EYS: variants seen among roughly 807,000 people sequenced by gnomAD.
EYS encodes the protein EGF-like photoreceptor maintenance factor, also known as protein eyes shut homolog.
A neutral mutation model predicts 282.1 loss-of-function variants in EYS; 250 were observed. That is an observed-to-expected ratio of 0.89 (90% CI 0.80 to 0.98). The LOEUF is 0.98. Ranked by LOEUF, EYS falls within the 50% of genes least tolerant of loss-of-function variation. The probability of loss-of-function intolerance (pLI) is 0.00; values close to 1 mark genes in which losing one functional copy is unlikely to be tolerated. For synonymous variants in EYS, 1,355 were observed against 1,282.9 expected, an observed-to-expected ratio of 1.06 and a Z score of -1.20; for missense variants, 4,016 against 3,709.0, an observed-to-expected ratio of 1.08 and a Z score of -2.15.
intron 9 of EYS, among the ~76,000 whole-genome samples, chr6:65,344,852 A>G (rs1770335284): frequency 6.6e-6 from 1 of 151,756 alleles, no homozygotes. Context: ...AAAAGAACAT[A>G]GAAGACCTGA....
chr6:64,861,493 A>T (rs73767136), intron 19 of EYS, among the ~76,000 whole-genome samples: 5,683 of 152,052 alleles, frequency 0.037, 191 homozygotes, highest in East Asian at 0.16. Flanking sequence ...TGTACCTGGG[A>T]AGGTGTGGCT....
At chr6:65,654,838 C>CAGCTCATT (rs1767763651) in intron 1 of EYS, among the ~76,000 whole-genome samples, 1 of 150,934 alleles carries the variant, frequency 6.6e-6, no homozygotes, top group South Asian at 2.1e-4. Context: ...TACCAGAGAC[C>CAGCTCATT]AGCTCATTAA....
chr6:65,557,666 G>T (rs1761320317), intron 2 of EYS, among the ~76,000 whole-genome samples: 1 of 152,184 alleles, frequency 6.6e-6, no homozygotes. Flanking sequence ...CAGCAAGCCA[G>T]CCAGGAACAT....
At position 65,354,520 on chromosome 6, in the gene EYS, G is replaced by GA. The variant is rs561201846; in HGVS notation, c.1300-904dup. Among the ~76,000 whole-genome samples the GA allele has an allele frequency of 3.9e-4, 58 of 147,682 alleles. 2 individuals carry two copies. The South Asian group carries it at 4.7e-3, about 12-fold the overall frequency. On this transcript the variant is annotated intron_variant, in intron 8 of 42. Transcript: ENST00000503581. ...AGTATGAGTCAACACTAAATGTGAG[G>GA]AAAAAAAAAAATTGGCGAGGCGTGG...
intron 12 of EYS, among the ~76,000 whole-genome samples, chr6:65,232,587 C>T: frequency 6.6e-6 from 1 of 152,022 alleles, no homozygotes; most frequent in Non-Finnish European, 1.5e-5. Flanking sequence ...TACCCCTCAC[C>T]CAGTTTCTCC....
intron 29 of EYS, among the ~76,000 whole-genome samples, chr6:64,312,532 A>G (rs1240422891): frequency 2.0e-5 from 3 of 152,168 alleles, no homozygotes; most frequent in Non-Finnish European, 1.5e-5. Flanking sequence ...GAGCTCTGTT[A>G]AGGGACAGAT....
At chr6:64,149,502 A>G (rs1356343976) in intron 31 of EYS, among the ~76,000 whole-genome samples, 2 of 152,206 alleles carry the variant, frequency 1.3e-5, no homozygotes, top group African/African-American at 2.4e-5. Context: ...GAGGATAGGA[A>G]GTATCTACAA....
intron 31 of EYS, among the ~76,000 whole-genome samples, chr6:64,212,943 G>T (rs1430787180): frequency 1.3e-5 from 2 of 152,102 alleles, no homozygotes; most frequent in African/African-American, 4.8e-5. Flanking sequence ...AAAAGAATGA[G>T]ATCATGTCCT....
chr6:65,400,810 T>C (rs2150362744), intron 7 of EYS, among the ~76,000 whole-genome samples: 1 of 152,050 alleles, frequency 6.6e-6, no homozygotes, highest in Admixed American at 6.6e-5. Context: ...TGACTCCTTT[T>C]CACCTTGACA....
At chr6:64,985,947 G>A (rs959919999) in intron 14 of EYS, among the ~76,000 whole-genome samples, 1 of 151,392 alleles carries the variant, frequency 6.6e-6, no homozygotes, top group Non-Finnish European at 1.5e-5. Flanking sequence ...TACTTATCAC[G>A]TTTTCCAGAA....
chr6:64,307,545 G>C (rs951112449), intron 29 of EYS, among the ~76,000 whole-genome samples: 2 of 152,056 alleles, frequency 1.3e-5, no homozygotes, highest in African/African-American at 2.4e-5. Flanking sequence ...AGCCAAGCAA[G>C]GTCTGAGGCT....
chr6:64,242,939 T>C (rs1469839459), intron 30 of EYS, among the ~76,000 whole-genome samples: 1 of 146,496 alleles, frequency 6.8e-6, no homozygotes, highest in African/African-American at 2.5e-5. Context: ...CATTGATATA[T>C]ATTTTATATA....
intron 33 of EYS, among the ~76,000 whole-genome samples, chr6:64,062,733 C>G (rs1459956969): frequency 6.6e-6 from 1 of 151,530 alleles, no homozygotes; most frequent in Non-Finnish European, 1.5e-5. Context: ...TATGTTCTCC[C>G]TTTTTCATCA....
intron 12 of EYS, among the ~76,000 whole-genome samples, chr6:65,073,370 C>T (rs1229702853): frequency 6.6e-6 from 1 of 151,122 alleles, no homozygotes; most frequent in African/African-American, 2.4e-5. Flanking sequence ...TCATGAACAC[C>T]CAAGAATGCA....
chr6:64,254,933 G>T (rs887278961), intron 30 of EYS, among the ~76,000 whole-genome samples: 8 of 152,044 alleles, frequency 5.3e-5, no homozygotes, highest in African/African-American at 1.2e-4. Context: ...AAGACTATTA[G>T]ATTTAAAGGA....
intron 26 of EYS, among the ~76,000 whole-genome samples, chr6:64,568,816 C>T (rs1425504671): frequency 2.0e-5 from 3 of 152,008 alleles, no homozygotes; most frequent in East Asian, 1.9e-4. Flanking sequence ...CTGCAGCCTC[C>T]GCTGGTGATA....
intron 32 of EYS, among the ~76,000 whole-genome samples, chr6:64,073,777 CAT>C (rs145419335): frequency 1.3e-4 from 20 of 149,088 alleles, no homozygotes; most frequent in Non-Finnish European, 1.5e-4. Context: ...TGTGTGTGTG[CAT>C]ATATATATAT....
intron 24 of EYS, among the ~76,000 whole-genome samples, chr6:64,596,887 C>T (rs1367657806): frequency 6.6e-6 from 1 of 151,996 alleles, no homozygotes; most frequent in Non-Finnish European, 1.5e-5. Flanking sequence ...GGAGCTTCTG[C>T]ATAGAAAAGG....
intron 16 of EYS, among the ~76,000 whole-genome samples, chr6:64,908,883 G>T (rs912023702): frequency 6.6e-6 from 1 of 152,018 alleles, no homozygotes; most frequent in African/African-American, 2.4e-5. Flanking sequence ...GAAGGGTGGG[G>T]ATCAATCAGA....
Sources: allele counts gnomAD v4.1 joint callset (sites outside exome capture counted in the v4.1 genomes callset), GRCh38; gene constraint gnomAD v4.1.1; transcripts MANE v1.5; gene names NCBI Gene and HGNC (gene_info 2026-07-23, HGNC 2026-07-21).